LEPROTL1: variants seen among roughly 807,000 people sequenced by gnomAD.
LEPROTL1 encodes the protein leptin receptor overlapping transcript like 1, also known as leptin receptor overlapping transcript-like 1.
Under a neutral mutation model 15.4 loss-of-function variants are expected in LEPROTL1, and 6 were observed. The ratio of observed to expected loss-of-function variants is 0.39; its 90% CI spans 0.21 to 0.77. The LOEUF (loss-of-function observed/expected upper bound fraction) is 0.77, where lower values mean the gene tolerates loss of function less well. Among genes scored for constraint, LEPROTL1 ranks in the 30% least tolerant of loss-of-function variants. The probability of loss-of-function intolerance (pLI) is 0.41; values close to 1 mark genes in which losing one functional copy is unlikely to be tolerated. For synonymous variants in LEPROTL1, 56 were observed against 52.6 expected (o/e 1.06, Z -0.28); for missense variants, 128 against 158.1 (o/e 0.81, Z 1.02).
At chr8:30,123,305 A>C (rs1461540990) in intron 3 of LEPROTL1, among the ~76,000 whole-genome samples, 2 of 152,208 alleles carry the variant, frequency 1.3e-5, no homozygotes, top group Admixed American at 6.5e-5. Flanking sequence ...CCCCAGGTTC[A>C]AGGGGAATGA....
intron 3 of LEPROTL1, among the ~76,000 whole-genome samples, chr8:30,131,010 C>T (rs954727328): frequency 9.9e-5 from 15 of 151,822 alleles, no homozygotes; most frequent in African/African-American, 3.6e-4. Context: ...GAACTGCTGA[C>T]CTTGTGATCC....
At chr8:30,110,559 C>G (rs1052176530), downstream of LEPROTL1, among the ~76,000 whole-genome samples, 1 of 151,930 alleles carries the variant, frequency 6.6e-6, no homozygotes, top group East Asian at 1.9e-4. Flanking sequence ...CATAGTGAAA[C>G]CCCATCTCTT....
At chr8:30,100,511 G>A (rs958356430) in intron 1 of LEPROTL1, among the ~76,000 whole-genome samples, 2 of 152,074 alleles carry the variant, frequency 1.3e-5, no homozygotes, top group African/African-American at 4.8e-5. Flanking sequence ...ATGCAAAGGC[G>A]CAGTCTAGGC....
At chr8:30,126,172 A>G (rs1035239173) in intron 3 of LEPROTL1, among the ~76,000 whole-genome samples, 1 of 152,210 alleles carries the variant, frequency 6.6e-6, no homozygotes, top group African/African-American at 2.4e-5. Context: ...TGTGTGGCTC[A>G]GTTCCTAACA....
intron 4 of LEPROTL1, chr8:30,132,867 C>A (rs1454315185): frequency 6.5e-7 from 1 of 1,547,256 alleles, no homozygotes; most frequent in Non-Finnish European, 8.7e-7. Context: ...ACGTGACCCT[C>A]TGGGTCAAGA....
chr8:30,112,740 A>G (rs1802674262), downstream of LEPROTL1, among the ~76,000 whole-genome samples: 2 of 151,994 alleles, frequency 1.3e-5, no homozygotes, highest in Admixed American at 1.3e-4. Flanking sequence ...AAGTGAAGAT[A>G]CTAATAGTAT....
chr8:30,114,582 C>T (rs1802706288), intron 3 of LEPROTL1, among the ~76,000 whole-genome samples: 2 of 152,238 alleles, frequency 1.3e-5, no homozygotes, highest in South Asian at 4.2e-4. Flanking sequence ...TGAGCCACTG[C>T]GCCCAGCTTA....
intron 3 of LEPROTL1, among the ~76,000 whole-genome samples, chr8:30,121,339 G>A (rs1461591478): frequency 1.3e-5 from 2 of 151,824 alleles, no homozygotes; most frequent in African/African-American, 4.8e-5. Context: ...CACAACCTTG[G>A]CCTCCTGGGT....
chr8:30,098,488 G>A (rs868750065), intron 1 of LEPROTL1, among the ~76,000 whole-genome samples: 6 of 152,086 alleles, frequency 3.9e-5, no homozygotes, highest in Admixed American at 3.9e-4. Context: ...TCTTTTTAGT[G>A]GCCTTTGTTT....
chr8:30,099,791 A>C (rs77550163), intron 1 of LEPROTL1, among the ~76,000 whole-genome samples: 3 of 104,070 alleles, frequency 2.9e-5, no homozygotes, highest in Non-Finnish European at 6.3e-5. Flanking sequence ...GAATGAAAAA[A>C]TGTCTGAGGC....
chr8:30,097,698 T>TATATAC (rs748266837), intron 1 of LEPROTL1, among the ~76,000 whole-genome samples: 1 of 108,796 alleles, frequency 9.2e-6, no homozygotes, highest in African/African-American at 3.6e-5. Flanking sequence ...TATATATATA[T>TATATAC]ACACACACAC....
At chr8:30,099,993 T>G (rs1055330571) in intron 1 of LEPROTL1, among the ~76,000 whole-genome samples, 1 of 152,212 alleles carries the variant, frequency 6.6e-6, no homozygotes, top group African/African-American at 2.4e-5. Flanking sequence ...AATGGTAAAT[T>G]CAGTGTTTTC....
At chr8:30,124,152 C>T (rs560085855) in intron 3 of LEPROTL1, among the ~76,000 whole-genome samples, 1 of 152,162 alleles carries the variant, frequency 6.6e-6, no homozygotes, top group African/African-American at 2.4e-5. Flanking sequence ...ATTCATCACA[C>T]AGACCAACCT....
chr8:30,111,172 A>T (rs1802648917), downstream of LEPROTL1, among the ~76,000 whole-genome samples: 1 of 152,248 alleles, frequency 6.6e-6, no homozygotes, highest in Non-Finnish European at 1.5e-5. Context: ...GGTCTAAATC[A>T]TCAACTTCCA....
At chr8:30,103,546 G>C (rs1802505456) in intron 2 of LEPROTL1, among the ~76,000 whole-genome samples, 1 of 151,848 alleles carries the variant, frequency 6.6e-6, no homozygotes, top group South Asian at 2.1e-4. Flanking sequence ...TTTAAGACCA[G>C]CTTAGCCAAC....
chr8:30,134,459 T>G (rs1330883568), intron 4 of LEPROTL1, among the ~76,000 whole-genome samples: 4 of 152,026 alleles, frequency 2.6e-5, no homozygotes, highest in Non-Finnish European at 5.9e-5. Context: ...AAAAAAACTT[T>G]GTCTTCCTTT....
chr8:30,103,739 C>T lies in LEPROTL1; in HGVS notation c.93-561C>T, dbSNP rs377521065. Among the ~76,000 whole-genome samples the T allele has an allele frequency of 9.9e-5, 14 of 141,094 alleles. No individual in the cohort carries two copies. The East Asian group carries it at 2.2e-3, about 22-fold the overall frequency. 92.6% of individuals were successfully genotyped at this position (141,094 alleles called of 152,430 possible). On this transcript the variant is annotated intron_variant, in intron 2 of 3. Coordinates refer to ENST00000321250, the MANE Select transcript of LEPROTL1 (RefSeq NM_015344.3). ...CCTGGGCAGCAGAGCGAGACTCTGT[C>T]TCAAAAAAAAAAAAAAAAAATTTAG...
At chr8:30,115,719 G>A (rs572471591) in intron 3 of LEPROTL1, among the ~76,000 whole-genome samples, 96 of 151,892 alleles carry the variant, frequency 6.3e-4, no homozygotes, top group African/African-American at 2.2e-3. Flanking sequence ...GGCAAATAAA[G>A]AATGTGGGAA....
intron 4 of LEPROTL1, among the ~76,000 whole-genome samples, chr8:30,135,089 A>C (rs1278512675): frequency 2.9e-5 from 4 of 139,510 alleles, no homozygotes; most frequent in African/African-American, 8.1e-5. Context: ...ATGGGATTTC[A>C]CTATGTTGGC....
Sources: gnomAD v4.1 joint callset for allele counts (sites outside exome capture counted in the v4.1 genomes callset) on GRCh38, gnomAD v4.1.1 for gene constraint, MANE v1.5 for transcripts, NCBI Gene and HGNC (gene_info 2026-07-23, HGNC 2026-07-21) for gene names.